The following ITGA11 variants were observed in gnomAD, a reference collection of about 807,000 sequenced individuals.
The protein encoded by ITGA11 is integrin alpha-11.
A neutral mutation model predicts 141.9 loss-of-function variants in ITGA11; 97 were observed. That is an observed-to-expected ratio of 0.68 (90% confidence interval 0.58 to 0.81). The LOEUF (loss-of-function observed/expected upper bound fraction) is 0.81, where lower values mean the gene tolerates loss of function less well. Among genes scored for constraint, ITGA11 ranks in the 30% least tolerant of loss-of-function variants. The pLI is 0.00. For synonymous variants in ITGA11, 658 were observed against 624.6 expected, an observed-to-expected ratio of 1.05 and a Z score of -0.80; for missense variants, 1,387 against 1,559.2, an observed-to-expected ratio of 0.89 and a Z score of 1.86.
At chr15:68,364,992 A>C (rs547089258) in intron 3 of ITGA11, among the ~76,000 whole-genome samples, 194 bp from the exon 4 acceptor site, 2 of 86,844 alleles carry the variant, frequency 2.3e-5, no homozygotes, top group East Asian at 7.7e-4. Flanking sequence ...GAGATGAGAA[A>C]ACCGAGTCTC....
chr15:68,313,251 T>C (rs1315466009), intron 23 of ITGA11, among the ~76,000 whole-genome samples: 6 of 151,782 alleles, frequency 4.0e-5, no homozygotes, highest in African/African-American at 1.5e-4. Context: ...CTGCCCTGAC[T>C]TCTCCATCTG....
At chr15:68,408,147 C>G (rs561054982) in intron 1 of ITGA11, among the ~76,000 whole-genome samples, 1 of 152,322 alleles carries the variant, frequency 6.6e-6, no homozygotes, top group South Asian at 2.1e-4. Flanking sequence ...CTTCCTCTGC[C>G]TCAGGGCCTC....
intron 8 of ITGA11, among the ~76,000 whole-genome samples, chr15:68,351,006 T>C (rs564630142): frequency 6.6e-6 from 1 of 152,230 alleles, no homozygotes; most frequent in Non-Finnish European, 1.5e-5. Context: ...TTTGGAGGTG[T>C]ATTCTAGTTT....
chr15:68,319,758 C>T (rs994286914), intron 20 of ITGA11, among the ~76,000 whole-genome samples: 5 of 152,074 alleles, frequency 3.3e-5, no homozygotes, highest in Non-Finnish European at 4.4e-5. Flanking sequence ...GGGTATTCCT[C>T]CCTGTGTTCC....
rs565822455 is a variant in ITGA11 at position 68,297,913 on chromosome 15, G to A, written c.*5146C>T. The A allele has an allele frequency of 6.6e-6, 1 of 152,306 alleles. No homozygotes were observed. Among genetic ancestry groups the A allele is most frequent in the Admixed American group, 6.5e-5 (1 of 15,296 alleles). 9.4% of individuals were successfully genotyped at this position (152,306 alleles called of 1,614,324 possible). A position where few individuals can be genotyped will look rare whatever the true frequency, so the allele number is the denominator to read the frequency against. The stretch of plus-strand genomic sequence containing the variant: ...GAAAGGCCACACAAGGACTATGTGT[G>A]TCGTAACTGAGAGTAGGCTCTGGGT... On this transcript the variant is annotated 3_prime_UTR_variant, in exon 30 of 30. Transcript: ENST00000315757.
rs1005999429 is a variant in ITGA11, at chr15:68,325,645, C to T, written c.2212-404G>A. On this transcript the variant is annotated intron_variant, in intron 17 of 29. Transcript: ENST00000315757. The surrounding 1 kb of genome is among the most constrained non-coding windows in gnomAD (Gnocchi z 5.5). Reference sequence around the variant, plus strand: ...ATTTGAACCATATGACTGTGTGTCACTCTTCCTTCCCAAGCAAGGAATAGG... The same window carrying T: ...ATTTGAACCATATGACTGTGTGTCATTCTTCCTTCCCAAGCAAGGAATAGG... Among the ~76,000 whole-genome samples, 32 of 152,216 alleles carry T rather than the reference C, an allele frequency of 2.1e-4. No individual in the cohort carries two copies. The highest frequency in any genetic ancestry group is 7.5e-4 in the African/African-American group (31 of 41,450).
chr15:68,423,258 G>C (rs1440164327), intron 1 of ITGA11, among the ~76,000 whole-genome samples: 2 of 152,226 alleles, frequency 1.3e-5, no homozygotes, highest in South Asian at 4.1e-4. Flanking sequence ...TGTATGGCGG[G>C]GGAAGTACAG....
In ITGA11 at chr15:68,307,613, C is replaced by T. The variant is rs1489560630; in HGVS notation, c.3258G>A (p.Gly1086=). 3 of 1,613,394 alleles carry T rather than the reference C, an allele frequency of 1.9e-6. No homozygotes were observed. Among genetic ancestry groups the T allele is most frequent in the Non-Finnish European group, 2.5e-6 (3 of 1,179,486 alleles). The change falls in exon 27 of 30, where the codon GGG becomes GGA. Residue 1086 remains glycine, a synonymous_variant. Transcript: ENST00000315757. The surrounding 1 kb of genome is among the most constrained non-coding windows in gnomAD (Gnocchi z 6.1). ...CTTTTAGGGACCTCAACCACAGGTT[C>T]CCCAGTAGATGGAAATTGATTTCCT... is the stretch of plus-strand genomic sequence containing the variant. ...PNQEINFHLL[G]NLWLRSLKAL... is the part of the protein sequence containing the mutation.
chr15:68,386,416 G>A (rs749699829), intron 2 of ITGA11, among the ~76,000 whole-genome samples: 3 of 152,170 alleles, frequency 2.0e-5, no homozygotes, highest in Non-Finnish European at 2.9e-5. Flanking sequence ...GCCACACAGT[G>A]CAGAGTTAAG....
Position 68,396,117 on chromosome 15 carries a change from T to C in ITGA11, c.164+6801A>G, listed in dbSNP as rs541158443. Among the ~76,000 whole-genome samples the C allele has an allele frequency of 5.0e-3, 758 of 152,120 alleles. 7 individuals carry two copies. Among genetic ancestry groups the C allele is most frequent in the African/African-American group, 0.017 (722 of 41,512 alleles). On this transcript the variant is annotated intron_variant, in intron 2 of 29. Coordinates refer to ENST00000315757, the MANE Select transcript of ITGA11 (RefSeq NM_001004439.2). The stretch of plus-strand genomic sequence containing the variant: ...AAAATTTACAGGTCAATATATCTCA[T>C]GAAACAAAACAGATACAAATACCCC...
intron 2 of ITGA11, among the ~76,000 whole-genome samples, chr15:68,374,984 A>G (rs11072013): frequency 0.81 from 123,890 of 152,262 alleles, 50,676 homozygotes; most frequent in East Asian, 1. Context: ...TCAGAATGTA[A>G]GTATGATGAG....
chr15:68,346,461 C>T (rs1894747148), intron 10 of ITGA11, among the ~76,000 whole-genome samples: 1 of 152,296 alleles, frequency 6.6e-6, no homozygotes, highest in African/African-American at 2.4e-5. Context: ...GGACAGTGAG[C>T]TGATTATTTA....
intron 15 of ITGA11, among the ~76,000 whole-genome samples, chr15:68,330,075 C>G (rs958584283): frequency 6.6e-6 from 1 of 152,240 alleles, no homozygotes; most frequent in African/African-American, 2.4e-5. Context: ...CGCTCGGCAT[C>G]GGTGCTCTCT....
intron 24 of ITGA11, among the ~76,000 whole-genome samples, chr15:68,312,480 G>A (rs1893422366): frequency 6.6e-6 from 1 of 152,124 alleles, no homozygotes; most frequent in Non-Finnish European, 1.5e-5. Flanking sequence ...CTTCTTTTAT[G>A]GGAGAGAGTA....
At chr15:68,367,663 T>C (rs2415006) in intron 3 of ITGA11, among the ~76,000 whole-genome samples, 141,717 of 152,148 alleles carry the variant, frequency 0.93, 66,342 homozygotes, top group Middle Eastern at 0.98. Context: ...TGGCCTCTTG[T>C]TCCCCACCAT....
At chr15:68,348,712 G>T (rs1894812795) in intron 10 of ITGA11, 118 bp downstream of exon 10, 1 of 825,122 alleles carries the variant, frequency 1.2e-6, no homozygotes, top group Admixed American at 2.2e-5. Context: ...GAGAGAAAGT[G>T]AGGAGAAGAG....
At chr15:68,399,403 T>C (rs1274060717) in intron 2 of ITGA11, among the ~76,000 whole-genome samples, 1 of 152,112 alleles carries the variant, frequency 6.6e-6, no homozygotes, top group Admixed American at 6.6e-5. Context: ...GTTTGGAGAT[T>C]TCTCAGAGAA....
rs1268149064 is a variant in ITGA11 at position 68,326,507 on chromosome 15, T to A, written c.2211+147A>T. On this transcript the variant is annotated intron_variant, in intron 17 of 29. Transcript: ENST00000315757. This position sits in a 1 kb window ranked among gnomAD's most constrained non-coding sequence, Gnocchi z 6.8. Reference sequence around the variant, plus strand: ...TGGGGCATGAGGTGGGAATGTGGAGTGGCCAAGGTCAGGGTACACTGTCCC... The same window carrying A: ...TGGGGCATGAGGTGGGAATGTGGAGAGGCCAAGGTCAGGGTACACTGTCCC... 1 of 738,874 alleles carries A rather than the reference T, an allele frequency of 1.4e-6. No individual in the cohort carries two copies. The highest frequency in any genetic ancestry group is 2.1e-6 in the Non-Finnish European group (1 of 473,272). The allele number at this position is 738,874 out of a possible 1,614,324, so 45.8% of individuals were successfully genotyped here.
At chr15:68,344,138 C>G (rs1265322412) in intron 10 of ITGA11, among the ~76,000 whole-genome samples, 1 of 152,130 alleles carries the variant, frequency 6.6e-6, no homozygotes, top group East Asian at 1.9e-4. Context: ...GAAATGATTC[C>G]TGCCACCAGG....
Sources: gnomAD v4.1 joint callset for allele counts (sites outside exome capture counted in the v4.1 genomes callset) on GRCh38, gnomAD v4.1.1 for gene constraint, Gnocchi (gnomAD v3.1) non-coding constraint, MANE v1.5 for transcripts, NCBI Gene and HGNC (gene_info 2026-07-23, HGNC 2026-07-21) for gene names.